Variants in CDH13 observed in about 807,000 individuals in gnomAD.
CDH13 encodes cadherin-13.
A neutral mutation model predicts 63.8 loss-of-function variants in CDH13; 24 were observed. The ratio of observed to expected loss-of-function variants is 0.38; its 90% confidence interval spans 0.27 to 0.53. CDH13 has a LOEUF of 0.53. Ranked by LOEUF, CDH13 falls within the 20% of genes least tolerant of loss-of-function variation. The probability of loss-of-function intolerance (pLI) is 0.85; values close to 1 mark genes in which losing one functional copy is unlikely to be tolerated. For synonymous variants in CDH13, 503 were observed against 355.3 expected (o/e 1.42, Z -4.67); for missense variants, 1,049 against 903.1 (o/e 1.16, Z -2.07).
chr16:82,798,170 T>C (rs539865712), intron 1 of CDH13, among the ~76,000 whole-genome samples: 1 of 152,340 alleles, frequency 6.6e-6, no homozygotes, highest in Non-Finnish European at 1.5e-5. Flanking sequence ...ACCAGGTTGC[T>C]CTTGAAACAC....
chr16:83,786,959 A>G (rs974951691), intron 13 of CDH13, among the ~76,000 whole-genome samples: 1 of 152,086 alleles, frequency 6.6e-6, no homozygotes, highest in South Asian at 2.1e-4. Context: ...TCTCTGCCCA[A>G]TTTTATTTTC....
rs781780512 is a variant in CDH13, at chr16:83,489,846, C to A, written c.960+3191C>A. Among the ~76,000 whole-genome samples the A allele has an allele frequency of 2.0e-5, 3 of 152,064 alleles. No homozygotes were observed. The East Asian group carries it at 5.8e-4, about 29-fold the overall frequency. On this transcript the variant is annotated intron_variant, in intron 7 of 13. Coordinates refer to ENST00000567109, the MANE Select transcript of CDH13 (RefSeq NM_001257.5). ...TTGCAGCATTCATTTAAGAAAGTAT[C>A]CCATTTGGGACCCTGTGGACTTTGA...
At chr16:83,360,271 A>G (rs1214630780) in intron 6 of CDH13, among the ~76,000 whole-genome samples, 3 of 152,220 alleles carry the variant, frequency 2.0e-5, no homozygotes, top group Admixed American at 6.5e-5. Context: ...ATATTCGACA[A>G]TGTACCACGT....
intron 8 of CDH13, among the ~76,000 whole-genome samples, chr16:83,669,011 T>A (rs922367562): frequency 6.6e-6 from 1 of 152,218 alleles, no homozygotes; most frequent in Non-Finnish European, 1.5e-5. Flanking sequence ...TCCTGCTTCT[T>A]GCCCCGACTA....
intron 11 of CDH13, among the ~76,000 whole-genome samples, chr16:83,765,836 C>T (rs1914343907): frequency 1.3e-5 from 2 of 151,572 alleles, no homozygotes; most frequent in Admixed American, 1.3e-4. Flanking sequence ...GGTTTGTTAC[C>T]TGGCTCACTC....
At chr16:82,832,709 G>A (rs1247002894) in intron 1 of CDH13, among the ~76,000 whole-genome samples, 1 of 146,194 alleles carries the variant, frequency 6.8e-6, no homozygotes, top group Non-Finnish European at 1.5e-5. Flanking sequence ...ACATTGCCAT[G>A]TTACAGTAAG....
At chr16:83,026,671 C>G (rs1234398417) in intron 2 of CDH13, among the ~76,000 whole-genome samples, 2 of 152,140 alleles carry the variant, frequency 1.3e-5, no homozygotes, top group Non-Finnish European at 1.5e-5. Context: ...AGCAACCCTG[C>G]TATAGAATTG....
intron 7 of CDH13, among the ~76,000 whole-genome samples, chr16:83,561,505 C>G (rs2075708530): frequency 6.6e-6 from 1 of 151,022 alleles, no homozygotes; most frequent in African/African-American, 2.4e-5. Flanking sequence ...TGCAAGGGGT[C>G]TACATTTAAG....
intron 6 of CDH13, among the ~76,000 whole-genome samples, chr16:83,348,767 T>C (rs1482596554): frequency 1.3e-5 from 2 of 152,202 alleles, no homozygotes; most frequent in Non-Finnish European, 2.9e-5. Context: ...AATATAACAG[T>C]AGCTACCTTA....
intron 10 of CDH13, among the ~76,000 whole-genome samples, chr16:83,702,675 G>A (rs139621347): frequency 5.3e-4 from 81 of 152,290 alleles, no homozygotes; most frequent in Non-Finnish European, 8.7e-4. Context: ...GCTCAAGGTC[G>A]GTGGCCATGT....
At chr16:83,681,007 A>G (rs1035539757) in intron 10 of CDH13, among the ~76,000 whole-genome samples, 8 of 151,984 alleles carry the variant, frequency 5.3e-5, no homozygotes, top group Non-Finnish European at 1.2e-4. Context: ...TGATCCTACC[A>G]GAGGAAAGCA....
rs59677448 is a variant in CDH13 at position 82,896,276 on chromosome 16, A to ATTTTTTTTTTTTT, written c.157+37824_157+37836dup. Among the ~76,000 whole-genome samples, 196 of 87,820 alleles carry ATTTTTTTTTTTTT rather than the reference A, an allele frequency of 2.2e-3. 17 individuals are homozygous for ATTTTTTTTTTTTT. The highest frequency in any genetic ancestry group is 2.7e-3 in the Non-Finnish European group (124 of 46,126). 57.6% of individuals were successfully genotyped at this position (87,820 alleles called of 152,430 possible). On this transcript the variant is annotated intron_variant, in intron 2 of 13. Transcript: ENST00000567109. ...GAGTCTTCTGAGAACTAGGATTAGG[A>ATTTTTTTTTTTTT]TTTTTTTTTTTTTTTTTTTTTTTTT...
At chr16:82,652,051 A>AC (rs1328557940) in intron 1 of CDH13, among the ~76,000 whole-genome samples, 1 of 152,222 alleles carries the variant, frequency 6.6e-6, no homozygotes, top group African/African-American at 2.4e-5. Flanking sequence ...TGCTCGGCCA[A>AC]CCTATTGTTG....
chr16:83,493,457 G>C (rs1254965580), intron 7 of CDH13, among the ~76,000 whole-genome samples: 1 of 152,214 alleles, frequency 6.6e-6, no homozygotes, highest in Non-Finnish European at 1.5e-5. Context: ...GCCTGCATTG[G>C]AGGTAAAGCA....
At chr16:82,887,129 C>A (rs1459745906) in intron 2 of CDH13, among the ~76,000 whole-genome samples, 3 of 152,164 alleles carry the variant, frequency 2.0e-5, no homozygotes, top group Non-Finnish European at 4.4e-5. Context: ...GAGGAAACCA[C>A]TTTCGAACTT....
intron 1 of CDH13, among the ~76,000 whole-genome samples, chr16:82,760,156 A>G (rs757093515): frequency 2.0e-5 from 3 of 152,150 alleles, no homozygotes; most frequent in Admixed American, 1.3e-4. Flanking sequence ...CAGAACACCT[A>G]TTTCAGGGCT....
At chr16:83,155,151 C>T (rs548040001) in intron 4 of CDH13, among the ~76,000 whole-genome samples, 1 of 152,112 alleles carries the variant, frequency 6.6e-6, no homozygotes, top group African/African-American at 2.4e-5. Flanking sequence ...TGAAAGCAAC[C>T]AAATTTGGCA....
chr16:83,108,669 C>G (rs2034902401), intron 3 of CDH13, among the ~76,000 whole-genome samples: 1 of 152,188 alleles, frequency 6.6e-6, no homozygotes, highest in Non-Finnish European at 1.5e-5. Flanking sequence ...AGCCTTCAGG[C>G]TATTTTAGGC....
At chr16:82,849,889 A>G (rs1243151956) in intron 1 of CDH13, among the ~76,000 whole-genome samples, 1 of 152,238 alleles carries the variant, frequency 6.6e-6, no homozygotes, top group Non-Finnish European at 1.5e-5. Context: ...GATTTATTCA[A>G]TATTTTAAGC....
Sources: allele counts gnomAD v4.1 joint callset (sites outside exome capture counted in the v4.1 genomes callset), GRCh38; gene constraint gnomAD v4.1.1; transcripts MANE v1.5; gene names NCBI Gene and HGNC (gene_info 2026-07-23, HGNC 2026-07-21).